STXBP2: variants seen among roughly 807,000 people sequenced by gnomAD.
The protein encoded by STXBP2 is syntaxin-binding protein 2.
In STXBP2, 47 loss-of-function variants were observed where a neutral mutation model predicts 72.2. That is an observed-to-expected ratio of 0.65 (90% CI 0.51 to 0.83). STXBP2 has a LOEUF of 0.83. Among genes scored for constraint, STXBP2 ranks in the 40% least tolerant of loss-of-function variants. STXBP2 has a pLI of 0.00. For missense variants in STXBP2, 702 were observed against 807.6 expected, an observed-to-expected ratio of 0.87 and a Z score of 1.58; for synonymous variants, 367 against 338.7, an observed-to-expected ratio of 1.08 and a Z score of -0.92.
At chr19:7,640,265 C>A in intron 4 of STXBP2, 1 of 476,370 alleles carries the variant, frequency 2.1e-6, no homozygotes, top group Non-Finnish European at 4.0e-6. Context: ...TGTGTGTATG[C>A]GTGTATATGT....
intron 15 of STXBP2, 115 bp from the exon 16 acceptor site, chr19:7,646,134 A>G (rs2032127041): frequency 1.3e-6 from 1 of 772,844 alleles, no homozygotes; most frequent in Admixed American, 2.1e-5. Flanking sequence ...TCTCTGTTCC[A>G]CTTCCCCATC....
At chr19:7,639,382 C>A in intron 3 of STXBP2, 1 of 588,672 alleles carries the variant, frequency 1.7e-6, no homozygotes, top group Non-Finnish European at 3.0e-6. Context: ...CTGTGTGGGA[C>A]TCCCAGGGTG....
upstream of STXBP2, chr19:7,633,755 G>A (rs986353871): frequency 6.6e-6 from 3 of 453,662 alleles, no homozygotes; most frequent in South Asian, 3.3e-5. Flanking sequence ...TGTCACAAAA[G>A]GCCTGAGCAG....
In STXBP2 at chr19:7,640,083, GGTCTGTGT is replaced by G. The variant is rs1418544888; in HGVS notation, c.246+279_246+286del. ...ATGTGTGTATGCGTGTGTGTCTGTG[GGTCTGTGT>G]GTGCATTTGTGTCTGTGCATGTGTG... On this transcript the variant is annotated intron_variant, in intron 4 of 18. Coordinates refer to ENST00000221283, the MANE Select transcript of STXBP2 (RefSeq NM_006949.4). 3.7e-5 allele frequency: 21 copies of G among 568,684 alleles called. No individual in the cohort carries two copies. In the Admixed American group the frequency reaches 4.8e-4, roughly 13 times the overall value. 35.2% of individuals were successfully genotyped at this position (568,684 alleles called of 1,614,324 possible).
chr19:7,631,857 G>A, the STXBP2 span: 12 of 1,368,906 alleles, frequency 8.8e-6, no homozygotes, highest in African/African-American at 5.9e-5. Flanking sequence ...GGGCAGTGCC[G>A]GCCACAGGTG....
chr19:7,640,419 TGC>T (rs374557781), intron 4 of STXBP2: 36 of 626,962 alleles, frequency 5.7e-5, no homozygotes, highest in South Asian at 2.9e-4. Context: ...TATGTATGTG[TGC>T]GCGCGCATCT....
upstream of STXBP2, chr19:7,633,805 T>G: frequency 3.5e-6 from 1 of 284,582 alleles, no homozygotes; most frequent in Non-Finnish European, 6.6e-6. Context: ...CAGTGTAGGG[T>G]GGTAGCTGGC....
Position 7,639,802 on chromosome 19 carries a change from G to A in STXBP2, c.241G>A (p.Glu81Lys). ...LEAIYLLSPTEKSVQALIKDF... is the reference protein window; with the variant it reads ...LEAIYLLSPTKKSVQALIKDF... ...GGCCATTTATTTGCTGAGCCCCACG[G>A]AGAAGGTGCCTACATGAGTGAGCGT... The change falls in exon 4 of 19, where the codon GAG becomes AAG. Residue 81 changes from glutamate to lysine, a missense_variant. Transcript: ENST00000221283. The A allele has an allele frequency of 6.2e-6, 10 of 1,613,926 alleles. No individual in the cohort carries two copies. The highest frequency in any genetic ancestry group is 8.5e-6 in the Non-Finnish European group (10 of 1,179,962).
chr19:7,644,674 G>A lies in STXBP2; in HGVS notation c.1168G>A (p.Val390Ile), dbSNP rs763264163. 4.3e-6 allele frequency: 7 copies of A among 1,613,736 alleles called. No homozygotes were observed. The East Asian group carries it at 6.7e-5, about 15-fold the overall frequency. The change falls in exon 14 of 19, where the codon GTT (valine) becomes ATT (isoleucine). Residue 390 changes from valine to isoleucine, a missense_variant. Val to Ile is a conservative substitution (Grantham distance 29). Coordinates refer to ENST00000221283, the MANE Select transcript of STXBP2 (RefSeq NM_006949.4). ...GATCAAGGACTCCATGAAGCTGATC[G>A]TTCCGGTGCTGCTGGACGCGGCGGT... The part of the protein sequence containing the change: ...EKIKDSMKLI[V>I]PVLLDAAVPA...
At chr19:7,640,170 GTGCGTCTGTCTGTGTGCATGTGTGTA>G (rs2031764509) in intron 4 of STXBP2, 2 of 559,124 alleles carry the variant, frequency 3.6e-6, no homozygotes, top group African/African-American at 3.8e-5. Context: ...ATGTGTGTGT[GTGCGTCTGTCTGTGTGCATGTGTGTA>G]TGCGTGTGTA....
chr19:7,631,465 A>G, the STXBP2 span: 3 of 1,522,708 alleles, frequency 2.0e-6, no homozygotes, highest in Non-Finnish European at 2.6e-6. Context: ...CCGCTTCTCC[A>G]CCCCTAGCTT....
Position 7,640,676 on chromosome 19 carries a change from G to A in STXBP2, c.247-55G>A, listed in dbSNP as rs1479657282. The A allele has an allele frequency of 4.3e-6, 7 of 1,609,718 alleles. No individual in the cohort carries two copies. The South Asian group carries it at 5.5e-5, about 13-fold the overall frequency. On this transcript the variant is annotated intron_variant, in intron 4 of 18. Transcript: ENST00000221283. ...GGGGGGTGGCTGGGAGGCCTAGGCA[G>A]CCAATGAGCCTAGGTGTGCAGGCTC...
chr19:7,643,879 T>C (rs115069777), intron 13 of STXBP2, among the ~76,000 whole-genome samples: 1,695 of 143,534 alleles, frequency 0.012, 29 homozygotes, highest in African/African-American at 0.042. Flanking sequence ...GGGCGGAGCC[T>C]TGGAGAGGTG....
At chr19:7,629,968 A>T in the STXBP2 span, 1 of 1,304,138 alleles carries the variant, frequency 7.7e-7, no homozygotes, top group Non-Finnish European at 1.0e-6. Flanking sequence ...CTCCAAGGAG[A>T]AAGCTCTTAA....
At chr19:7,644,148 G>A (rs1351900305) in intron 13 of STXBP2, among the ~76,000 whole-genome samples, 14 of 112,504 alleles carry the variant, frequency 1.2e-4, no homozygotes, top group Admixed American at 2.6e-4. Context: ...GAGGGGTGGA[G>A]CCTTGGAGAG....
In STXBP2 at chr19:7,647,370, T is replaced by C. The variant is rs1599408348; in HGVS notation, c.1555T>C (p.Trp519Arg). 1 of 1,613,384 alleles carries C rather than the reference T, an allele frequency of 6.2e-7. No homozygotes were observed. Among genetic ancestry groups the C allele is most frequent in the Non-Finnish European group, 8.5e-7 (1 of 1,179,954 alleles). The change falls in exon 18 of 19, where the codon TGG becomes CGG. Residue 519 changes from tryptophan to arginine, a missense_variant. Transcript: ENST00000221283. ...QAAVSARFGH[W>R]HKNKAGIEAR... is the part of the protein sequence containing the mutation. ...CCTGCACAGTGCCCGCTTCGGTCACTGGCACAAGAACAAGGCTGGCATAGA... is the reference window on the plus strand; with the variant it reads ...CCTGCACAGTGCCCGCTTCGGTCACCGGCACAAGAACAAGGCTGGCATAGA...
In STXBP2 at chr19:7,640,656, G is replaced by A. The variant is rs565583226; in HGVS notation, c.247-75G>A. The A allele has an allele frequency of 5.1e-6, 8 of 1,582,854 alleles. No homozygotes were observed. The African/African-American group carries it at 1.1e-4, about 21-fold the overall frequency. On this transcript the variant is annotated intron_variant, in intron 4 of 18. Coordinates refer to ENST00000221283, the MANE Select transcript of STXBP2 (RefSeq NM_006949.4). Reference sequence around the variant, plus strand: ...GTTTGCACATGGTGGCAGATGGGGGGTGGCTGGGAGGCCTAGGCAGCCAAT... The same window carrying A: ...GTTTGCACATGGTGGCAGATGGGGGATGGCTGGGAGGCCTAGGCAGCCAAT...
chr19:7,630,038 T>C, the STXBP2 span: 1 of 583,780 alleles, frequency 1.7e-6, no homozygotes. Context: ...GCTGGGGGGG[T>C]TCTCGGATTT....
At chr19:7,632,882 C>T, upstream of STXBP2, 1 of 1,532,576 alleles carries the variant, frequency 6.5e-7, no homozygotes, top group Non-Finnish European at 8.8e-7. This position sits in a 1 kb window ranked among gnomAD's most constrained non-coding sequence, Gnocchi z 5.2. Context: ...GGGGCCCCTC[C>T]CCAAACTTCC....
Sources: gnomAD v4.1 joint callset for allele counts (sites outside exome capture counted in the v4.1 genomes callset) on GRCh38, gnomAD v4.1.1 for gene constraint, Gnocchi (gnomAD v3.1) non-coding constraint, MANE v1.5 for transcripts, NCBI Gene and HGNC (gene_info 2026-07-23, HGNC 2026-07-21) for gene names.